OCA2: variants seen among roughly 807,000 people sequenced by gnomAD.
OCA2 encodes the protein P protein.
In OCA2, 77 loss-of-function variants were observed where a neutral mutation model predicts 100.2. That is an observed-to-expected ratio of 0.77 (90% CI 0.64 to 0.93). The LOEUF is 0.93. Ranked by LOEUF, OCA2 falls within the 40% of genes least tolerant of loss-of-function variation. The pLI is 0.00. For missense variants in OCA2, 1,062 were observed against 1,089.1 expected (o/e 0.98, Z 0.35); for synonymous variants, 432 against 439.2 (o/e 0.98, Z 0.21).
At chr15:28,018,292 G>T in intron 7 of OCA2, 105 bp downstream of exon 7, 1 of 1,051,304 alleles carries the variant, frequency 9.5e-7, no homozygotes, top group Non-Finnish European at 1.5e-6. Flanking sequence ...TAAGAATGGT[G>T]TCCTCGCCTG....
chr15:27,949,052 A>G (rs1452838131), intron 18 of OCA2, among the ~76,000 whole-genome samples: 1 of 152,152 alleles, frequency 6.6e-6, no homozygotes, highest in African/African-American at 2.4e-5. Flanking sequence ...AGAACGCTAC[A>G]TTCAAAGGAA....
chr15:27,747,808 T>G, the OCA2 span, among the ~76,000 whole-genome samples: 1 of 152,210 alleles, frequency 6.6e-6, no homozygotes, highest in East Asian at 1.9e-4. Context: ...CAAATGAGAA[T>G]TTTGATCTGG....
chr15:27,736,475 G>T, the OCA2 span, among the ~76,000 whole-genome samples: 1 of 152,200 alleles, frequency 6.6e-6, no homozygotes, highest in Non-Finnish European at 1.5e-5. Flanking sequence ...TAGCTGAGAA[G>T]CCAGGAAGCT....
chr15:27,775,102 G>C (rs75345652), intron 23 of OCA2, among the ~76,000 whole-genome samples: 1 of 143,388 alleles, frequency 7.0e-6, no homozygotes, highest in Admixed American at 7.1e-5. Flanking sequence ...GTGTGTGTGT[G>C]TCTGTGTGTT....
chr15:27,781,480 T>C (rs540788868), intron 23 of OCA2, among the ~76,000 whole-genome samples: 49 of 152,288 alleles, frequency 3.2e-4, no homozygotes, highest in African/African-American at 1.2e-3. Context: ...CAGTCACTCA[T>C]TGGTTGAAAT....
At chr15:27,720,772 A>G in the OCA2 span, among the ~76,000 whole-genome samples, 2 of 152,204 alleles carry the variant, frequency 1.3e-5, no homozygotes, top group African/African-American at 4.8e-5. Context: ...ACCAAATGGT[A>G]TACTGTGCAT....
At chr15:28,088,790 C>A (rs186377984) in intron 1 of OCA2, among the ~76,000 whole-genome samples, 2 of 152,096 alleles carry the variant, frequency 1.3e-5, no homozygotes, top group African/African-American at 4.8e-5. Flanking sequence ...GGAGGCAGGG[C>A]GAGATCACAG....
At chr15:27,786,119 G>T (rs996833531) in intron 23 of OCA2, among the ~76,000 whole-genome samples, 5 of 152,152 alleles carry the variant, frequency 3.3e-5, no homozygotes, top group Non-Finnish European at 7.4e-5. Flanking sequence ...TTGTTTAAAT[G>T]ACTATCCTTT....
intron 23 of OCA2, among the ~76,000 whole-genome samples, chr15:27,801,067 G>C (rs1281485051): frequency 1.3e-5 from 2 of 152,098 alleles, no homozygotes; most frequent in East Asian, 1.9e-4. Flanking sequence ...ATATAAGGTT[G>C]AAATTATAGT....
At chr15:27,821,393 T>G (rs1353836197) in intron 23 of OCA2, among the ~76,000 whole-genome samples, 4 of 152,116 alleles carry the variant, frequency 2.6e-5, no homozygotes, top group Admixed American at 1.3e-4. Context: ...ACATATTACA[T>G]TTACACCCAC....
At position 27,921,333 on chromosome 15, in the gene OCA2, G is replaced by A. The variant is rs144814251; in HGVS notation, c.2079+4794C>T. ...CTGGTGAAAGAAAAAAAAACTATCAGGGATTCTATATAAGTGAAACAAAAC... is the reference window on the plus strand; with the variant it reads ...CTGGTGAAAGAAAAAAAAACTATCAAGGATTCTATATAAGTGAAACAAAAC... On this transcript the variant is annotated intron_variant, in intron 19 of 23. Coordinates refer to ENST00000354638, the MANE Select transcript of OCA2 (RefSeq NM_000275.3). Among the ~76,000 whole-genome samples, 182 of 152,130 alleles carry A rather than the reference G, an allele frequency of 1.2e-3. 1 individual carries two copies. Among genetic ancestry groups the A allele is most frequent in the African/African-American group, 4.0e-3 (168 of 41,506 alleles).
chr15:27,831,543 G>A (rs2151315926), intron 23 of OCA2, among the ~76,000 whole-genome samples: 1 of 152,346 alleles, frequency 6.6e-6, no homozygotes, highest in Middle Eastern at 3.4e-3. Context: ...TGGTGCCATG[G>A]TGACTGGCCT....
chr15:27,780,096 G>C (rs76764060), intron 23 of OCA2, among the ~76,000 whole-genome samples: 6 of 152,176 alleles, frequency 3.9e-5, no homozygotes, highest in Admixed American at 1.3e-4. Context: ...CTCTCAAAGA[G>C]ATTTTTTAAT....
chr15:28,006,335 C>T (rs1401973269), intron 9 of OCA2, among the ~76,000 whole-genome samples: 1 of 152,172 alleles, frequency 6.6e-6, no homozygotes, highest in Admixed American at 6.5e-5. Context: ...GCAGGAACAG[C>T]CAAGGGCATG....
intron 9 of OCA2, among the ~76,000 whole-genome samples, chr15:28,011,082 G>T (rs2042226422): frequency 6.6e-6 from 1 of 152,114 alleles, no homozygotes; most frequent in Admixed American, 6.6e-5. Flanking sequence ...ACTGAGGAGG[G>T]GTAGTCTTGT....
Position 27,765,972 on chromosome 15 carries a change from T to C in OCA2, c.2433-10500A>G, listed in dbSNP as rs550637439. Among the ~76,000 whole-genome samples, 76 of 152,306 alleles carry C rather than the reference T, an allele frequency of 5.0e-4. No individual in the cohort carries two copies. In the South Asian group the frequency reaches 0.014, roughly 29 times the overall value. On this transcript the variant is annotated intron_variant, in intron 23 of 23. Transcript: ENST00000354638. Reference sequence around the variant, plus strand: ...CCGTGAATTAGAATGCCTACCTTCCTGGGAATGCTGCCCAGCGGGCCTCAG... The same window carrying C: ...CCGTGAATTAGAATGCCTACCTTCCCGGGAATGCTGCCCAGCGGGCCTCAG...
intron 18 of OCA2, among the ~76,000 whole-genome samples, chr15:27,944,890 G>A (rs2039778329): frequency 6.6e-6 from 1 of 152,102 alleles, no homozygotes; most frequent in Admixed American, 6.5e-5. Context: ...CCATAAATCT[G>A]GTCTACCTCA....
At chr15:28,037,479 G>A (rs560095401) in intron 2 of OCA2, among the ~76,000 whole-genome samples, 2 of 152,132 alleles carry the variant, frequency 1.3e-5, no homozygotes, top group South Asian at 2.1e-4. Context: ...CAGCAGAAGC[G>A]GGTTTAGGCC....
rs755648218 is a variant in OCA2, at chr15:28,028,075, G to T, written c.327-16C>A. The T allele has an allele frequency of 6.2e-7, 1 of 1,614,078 alleles. No homozygotes were observed. The highest frequency in any genetic ancestry group is 2.2e-5 in the East Asian group (1 of 44,882). ...GCACCGTGACCTGGAAAGCAAGAGA[G>T]GTGTGGTTATCTCTCCTGAAATAGT... On this transcript the variant is annotated splice_polypyrimidine_tract_variant and intron_variant, in intron 3 of 23. Coordinates refer to ENST00000354638, the MANE Select transcript of OCA2 (RefSeq NM_000275.3).
Sources: gnomAD v4.1 joint callset for allele counts (sites outside exome capture counted in the v4.1 genomes callset) on GRCh38, gnomAD v4.1.1 for gene constraint, MANE v1.5 for transcripts, NCBI Gene and HGNC (gene_info 2026-07-23, HGNC 2026-07-21) for gene names.